JAK2: variants seen among roughly 807,000 people sequenced by gnomAD.
JAK2 encodes Janus kinase 2.
Under a neutral mutation model 139.3 loss-of-function variants are expected in JAK2, and 86 were observed. The ratio of observed to expected loss-of-function variants is 0.62; its 90% confidence interval spans 0.52 to 0.74. The LOEUF is 0.74. Ranked by LOEUF, JAK2 falls within the 30% of genes least tolerant of loss-of-function variation. The probability of loss-of-function intolerance (pLI) is 0.00; values close to 1 mark genes in which losing one functional copy is unlikely to be tolerated. For missense variants in JAK2, 1,421 were observed against 1,360.3 expected (o/e 1.04, Z -0.70); for synonymous variants, 490 against 437.7 (o/e 1.12, Z -1.49).
chr9:5,093,727 C>T (rs1220944342), intron 22 of JAK2, among the ~76,000 whole-genome samples: 1 of 152,074 alleles, frequency 6.6e-6, no homozygotes, highest in Non-Finnish European at 1.5e-5. Context: ...GAACAAGTTA[C>T]CCTAGGGATA....
chr9:5,019,001 A>G (rs963223766), intron 2 of JAK2, among the ~76,000 whole-genome samples: 1 of 152,104 alleles, frequency 6.6e-6, no homozygotes, highest in Non-Finnish European at 1.5e-5. Flanking sequence ...GTCTTTGACA[A>G]ACTGTTGACA....
intron 4 of JAK2, chr9:5,041,970 G>A (rs1349915464): frequency 2.7e-6 from 1 of 372,954 alleles, no homozygotes; most frequent in Non-Finnish European, 5.2e-6. Context: ...CGGCCCCTTG[G>A]GGAGCGAGCT....
intron 2 of JAK2, among the ~76,000 whole-genome samples, chr9:5,015,732 C>G (rs7046736): frequency 6.6e-6 from 1 of 151,770 alleles, no homozygotes; most frequent in African/African-American, 2.4e-5. Flanking sequence ...TTTTTCGTAG[C>G]AAAGCATCAA....
chr9:5,000,579 G>A (rs1451010938), intron 2 of JAK2, among the ~76,000 whole-genome samples: 3 of 152,082 alleles, frequency 2.0e-5, no homozygotes, highest in South Asian at 4.1e-4. Context: ...GCTTTGTTAT[G>A]CCAACTTTTA....
intron 2 of JAK2, among the ~76,000 whole-genome samples, chr9:5,008,765 C>G (rs894178264): frequency 4.6e-5 from 7 of 152,150 alleles, no homozygotes; most frequent in Non-Finnish European, 8.8e-5. Context: ...AACATGAACC[C>G]AGCATCTTTA....
chr9:5,042,336 A>C (rs1363990819), intron 4 of JAK2, among the ~76,000 whole-genome samples: 1 of 150,224 alleles, frequency 6.7e-6, no homozygotes, highest in African/African-American at 2.4e-5. Flanking sequence ...ACGGGGTTTC[A>C]CCTTGTTAGC....
chr9:5,116,089 T>G (rs551743469), intron 22 of JAK2, among the ~76,000 whole-genome samples: 1 of 152,186 alleles, frequency 6.6e-6, no homozygotes, highest in East Asian at 1.9e-4. Flanking sequence ...GAACATTTAT[T>G]GTAGGCTTAC....
At chr9:5,075,829 T>C (rs934749239) in intron 14 of JAK2, among the ~76,000 whole-genome samples, 4 of 152,184 alleles carry the variant, frequency 2.6e-5, no homozygotes, top group Admixed American at 6.5e-5. Flanking sequence ...TAGTGATTCC[T>C]CTGGTGGATC....
intron 2 of JAK2, among the ~76,000 whole-genome samples, chr9:5,012,423 A>G (rs1436558866): frequency 3.3e-5 from 5 of 152,168 alleles, no homozygotes; most frequent in African/African-American, 2.4e-5. Context: ...TTAGTGTAGT[A>G]TAAACTACTC....
At chr9:5,123,479 T>C (rs1232331508) in intron 23 of JAK2, among the ~76,000 whole-genome samples, 1 of 152,022 alleles carries the variant, frequency 6.6e-6, no homozygotes, top group African/African-American at 2.4e-5. Flanking sequence ...AAAGACATAA[T>C]TTCATTCGTT....
At chr9:5,115,362 T>C (rs1237484540) in intron 22 of JAK2, among the ~76,000 whole-genome samples, 1 of 152,142 alleles carries the variant, frequency 6.6e-6, no homozygotes, top group East Asian at 1.9e-4. Flanking sequence ...CAGAGTGAGG[T>C]ACCATCTCAT....
chr9:5,124,579 A>C (rs1431567086), intron 23 of JAK2, among the ~76,000 whole-genome samples: 1 of 151,854 alleles, frequency 6.6e-6, no homozygotes, highest in East Asian at 1.9e-4. Flanking sequence ...ATAGGGAACC[A>C]AAAAGAGCCC....
At chr9:5,020,671 T>C (rs1822359523) in intron 2 of JAK2, among the ~76,000 whole-genome samples, 1 of 152,132 alleles carries the variant, frequency 6.6e-6, no homozygotes, top group African/African-American at 2.4e-5. Flanking sequence ...CAGCCTGCAA[T>C]GGTGGCAGCT....
chr9:5,043,106 G>A (rs1006125708), intron 4 of JAK2, among the ~76,000 whole-genome samples: 1 of 152,216 alleles, frequency 6.6e-6, no homozygotes, highest in African/African-American at 2.4e-5. Context: ...CAGACAAAAT[G>A]CCTTAAAGCC....
At chr9:5,057,547 T>C (rs899900110) in intron 8 of JAK2, among the ~76,000 whole-genome samples, 10 of 150,050 alleles carry the variant, frequency 6.7e-5, no homozygotes, top group Non-Finnish European at 1.5e-4. Flanking sequence ...CATTTCCCCC[T>C]CTTCCCAATC....
intron 23 of JAK2, chr9:5,126,086 C>A: frequency 3.1e-6 from 1 of 320,572 alleles, no homozygotes; most frequent in East Asian, 4.9e-5. Context: ...GTTTTTAGTT[C>A]ATGTGTTTTG....
Position 5,127,921 on chromosome 9 carries a change from T to C in JAK2, c.*1130T>C, listed in dbSNP as rs1211816575. On this transcript the variant is annotated 3_prime_UTR_variant, in exon 25 of 25. Transcript: ENST00000381652. ...AAAAAAGTATGCTTGTTAATTTTAT[T>C]CAAGAATGCCAGTAGAAAATTCATA... 1 of 232,374 alleles carries C rather than the reference T, an allele frequency of 4.3e-6. No individual in the cohort carries two copies. The highest frequency in any genetic ancestry group is 2.2e-5 in the African/African-American group (1 of 45,288). 14.4% of individuals were successfully genotyped at this position (232,374 alleles called of 1,614,324 possible). A position where few individuals can be genotyped will look rare whatever the true frequency, so the allele number is the denominator to read the frequency against.
chr9:5,013,120 C>G (rs75680811), intron 2 of JAK2, among the ~76,000 whole-genome samples: 3,423 of 152,158 alleles, frequency 0.022, 148 homozygotes, highest in African/African-American at 0.079. Flanking sequence ...AGTATGAAAG[C>G]TTGTTAAGAC....
intron 2 of JAK2, among the ~76,000 whole-genome samples, chr9:5,013,607 T>G (rs1161730064): frequency 6.6e-6 from 1 of 152,218 alleles, no homozygotes; most frequent in Non-Finnish European, 1.5e-5. Context: ...TTCCATGTTT[T>G]GCATGCTTTT....
Sources: allele counts gnomAD v4.1 joint callset (sites outside exome capture counted in the v4.1 genomes callset), GRCh38; gene constraint gnomAD v4.1.1; transcripts MANE v1.5; gene names NCBI Gene and HGNC (gene_info 2026-07-23, HGNC 2026-07-21).